Variants in MYBPC1 observed in about 807,000 individuals in gnomAD.
MYBPC1 encodes the protein myosin-binding protein C, slow-type.
Under a neutral mutation model 147.1 loss-of-function variants are expected in MYBPC1, and 52 were observed. The ratio of observed to expected loss-of-function variants is 0.35; its 90% CI spans 0.28 to 0.45. The LOEUF is 0.45. MYBPC1 is among the 20% of genes least tolerant of loss of function. The pLI is 1.00. For missense variants in MYBPC1, 1,228 were observed against 1,440.3 expected, an observed-to-expected ratio of 0.85 and a Z score of 2.39; for synonymous variants, 477 against 475.9, an observed-to-expected ratio of 1.00 and a Z score of -0.03.
Position 101,642,506 on chromosome 12 carries a change from C to T in MYBPC1, c.753C>T (p.Ala251=). The T allele has an allele frequency of 6.2e-7, 1 of 1,613,858 alleles. No individual in the cohort carries two copies. Among genetic ancestry groups the T allele is most frequent in the Non-Finnish European group, 8.5e-7 (1 of 1,179,884 alleles). ...AACCCAGTGAGTACGAGAAGATCGC[C>T]TTCCAGTATGGAATCACCGACCTGC... ...NAKPSEYEKI[A]FQYGITDLRG... Residue 251 remains alanine (A), a synonymous_variant, in exon 11 of 32, where the codon GCC becomes GCT. Transcript: ENST00000361466.
chr12:101,596,366 C>A (rs545391372), intron 1 of MYBPC1, among the ~76,000 whole-genome samples: 10 of 152,308 alleles, frequency 6.6e-5, no homozygotes, highest in African/African-American at 2.4e-4. Flanking sequence ...GGCAGGGAGT[C>A]CAACCCCTGC....
chr12:101,649,954 A>G (rs557456719), intron 15 of MYBPC1, among the ~76,000 whole-genome samples: 18 of 152,374 alleles, frequency 1.2e-4, no homozygotes, highest in Middle Eastern at 6.8e-3. Flanking sequence ...CATAAAAATT[A>G]AAACAGCAAA....
At chr12:101,635,771 ACT>A (rs1321539684) in intron 9 of MYBPC1, among the ~76,000 whole-genome samples, 1 of 152,188 alleles carries the variant, frequency 6.6e-6, no homozygotes, top group Non-Finnish European at 1.5e-5. Context: ...TGTTATACAC[ACT>A]GTTTTTAAAC....
intron 28 of MYBPC1, among the ~76,000 whole-genome samples, chr12:101,679,765 G>A (rs1950812537): frequency 6.6e-6 from 1 of 151,868 alleles, no homozygotes; most frequent in Non-Finnish European, 1.5e-5. Context: ...GGAAAAGGAA[G>A]TGAAGAAAAT....
chr12:101,688,637 G>C (rs1407935010), downstream of MYBPC1, among the ~76,000 whole-genome samples: 1 of 151,404 alleles, frequency 6.6e-6, no homozygotes, highest in Non-Finnish European at 1.5e-5. Context: ...GCATGGCACT[G>C]TAATGGATTT....
intron 3 of MYBPC1, among the ~76,000 whole-genome samples, chr12:101,621,599 G>A (rs930154035): frequency 3.9e-5 from 6 of 152,192 alleles, no homozygotes; most frequent in Non-Finnish European, 8.8e-5. Flanking sequence ...TATTGTATCA[G>A]TATTTCACTG....
At position 101,662,489 on chromosome 12, in the gene MYBPC1, G is replaced by A; in HGVS notation, c.2164G>A (p.Val722Ile). 6.2e-7 allele frequency: 1 copy of A among 1,614,240 alleles called. No individual in the cohort carries two copies. The highest frequency in any genetic ancestry group is 1.3e-5 in the African/African-American group (1 of 75,066). The change falls in exon 21 of 32, where the codon GTC (valine) becomes ATC (isoleucine). Residue 722 changes from valine to isoleucine, a missense_variant. Physicochemically the swap from Val to Ile is conservative, Grantham distance 29. Coordinates refer to ENST00000361466, the MANE Select transcript of MYBPC1 (RefSeq NM_002465.4). ...GVAYEVRIFA[V>I]NAIGISKPSM... ...GGCCTATGAGGTCCGCATCTTTGCA[G>A]TCAATGCCATTGGCATCTCCAAGCC...
Position 101,675,337 on chromosome 12 carries a change from G to C in MYBPC1, c.2855G>C (p.Gly952Ala). 2 of 1,614,116 alleles carry C rather than the reference G, an allele frequency of 1.2e-6. No homozygotes were observed. Among genetic ancestry groups the C allele is most frequent in the Non-Finnish European group, 1.7e-6 (2 of 1,179,992 alleles). ...ATTGTGAAGATTGAGGATGTCTGGG[G>C]AGAAAATGTCGCTCTCACATGGACT... Reference protein sequence around the residue: ...PQIVKIEDVWGENVALTWTPP... With the variant: ...PQIVKIEDVWAENVALTWTPP... Residue 952 changes from glycine to alanine, a missense_variant, in exon 26 of 32, where the codon GGA (glycine) becomes GCA (alanine). Physicochemically the swap from Gly to Ala is moderately conservative, Grantham distance 60. Around this residue, in one of 2 missense-constraint regions of MYBPC1, gnomAD observed 1,077 missense variants for 1,314.2 expected, o/e 0.82. Coordinates refer to ENST00000361466, the MANE Select transcript of MYBPC1 (RefSeq NM_002465.4).
At chr12:101,601,393 C>T (rs1010489123) in intron 1 of MYBPC1, among the ~76,000 whole-genome samples, 1 of 152,162 alleles carries the variant, frequency 6.6e-6, no homozygotes, top group Non-Finnish European at 1.5e-5. Context: ...TCAAGATGTT[C>T]CCATTCATGG....
At chr12:101,635,048 A>AGTGCCCATGTGC (rs1399616505) in intron 9 of MYBPC1, among the ~76,000 whole-genome samples, 1 of 152,198 alleles carries the variant, frequency 6.6e-6, no homozygotes, top group African/African-American at 2.4e-5. Context: ...GAAAACCACA[A>AGTGCCCATGTGC]CCAAGTAGCT....
downstream of MYBPC1, among the ~76,000 whole-genome samples, chr12:101,688,831 T>G (rs959601142): frequency 6.6e-6 from 1 of 151,592 alleles, no homozygotes; most frequent in Non-Finnish European, 1.5e-5. Flanking sequence ...CACGCACCTG[T>G]AGTCCCAGCT....
rs549404659 is a variant in MYBPC1, at chr12:101,628,190, G to GTCAT, written c.178+405_178+408dup. On this transcript the variant is annotated intron_variant, in intron 5 of 31. Coordinates refer to ENST00000361466, the MANE Select transcript of MYBPC1 (RefSeq NM_002465.4). ...TCAGCTGTAGCTCCTGTTCTGTGAA[G>GTCAT]TCATTCATTCATTCATTCATTCGAC... 33 of 291,232 alleles carry GTCAT rather than the reference G, an allele frequency of 1.1e-4. 1 individual carries two copies. Among genetic ancestry groups the GTCAT allele is most frequent in the South Asian group, 8.6e-4 (26 of 30,158 alleles). 18.0% of individuals were successfully genotyped at this position (291,232 alleles called of 1,614,324 possible).
rs780175011 is a variant in MYBPC1, at chr12:101,626,916, G to A, written c.142+6G>A. Reference sequence around the variant, plus strand: ...GCCTAGCGCCTTGCCTCCAGGTTGGGATAATTTCTACCCTTTTCCCTGCTT... The same window carrying A: ...GCCTAGCGCCTTGCCTCCAGGTTGGAATAATTTCTACCCTTTTCCCTGCTT... On this transcript the variant is annotated splice_donor_region_variant and intron_variant, in intron 4 of 31. Coordinates refer to ENST00000361466, the MANE Select transcript of MYBPC1 (RefSeq NM_002465.4). The A allele has an allele frequency of 6.2e-7, 1 of 1,607,994 alleles. No homozygotes were observed. The highest frequency in any genetic ancestry group is 8.5e-7 in the Non-Finnish European group (1 of 1,174,430).
intron 1 of MYBPC1, among the ~76,000 whole-genome samples, chr12:101,601,035 A>G (rs1207829356): frequency 1.3e-5 from 2 of 152,232 alleles, no homozygotes; most frequent in African/African-American, 2.4e-5. Context: ...ATAAATACAC[A>G]GAAAGGTAGT....
chr12:101,627,512 G>T (rs1458464731), intron 4 of MYBPC1, among the ~76,000 whole-genome samples: 1 of 151,880 alleles, frequency 6.6e-6, no homozygotes. Flanking sequence ...CAAAGTGCTG[G>T]GATTACAGGC....
chr12:101,638,059 G>A (rs1891346702), intron 10 of MYBPC1, among the ~76,000 whole-genome samples: 1 of 152,162 alleles, frequency 6.6e-6, no homozygotes, highest in South Asian at 2.1e-4. Context: ...TTAGAGGCAG[G>A]GCCAGGACCC....
intron 13 of MYBPC1, 82 bp from the exon 14 acceptor site, chr12:101,647,962 GT>G (rs1565952553): frequency 1.8e-5 from 21 of 1,143,786 alleles, no homozygotes; most frequent in Admixed American, 1.7e-5. Flanking sequence ...CTCACTGTTG[GT>G]TTTTCATCTG....
chr12:101,665,533 T>C (rs1290058608), intron 22 of MYBPC1, among the ~76,000 whole-genome samples: 1 of 152,184 alleles, frequency 6.6e-6, no homozygotes, highest in Non-Finnish European at 1.5e-5. Flanking sequence ...CTCTTCTTTG[T>C]TTTCTTTCTG....
chr12:101,631,453 C>T, intron 6 of MYBPC1, 118 bp from the exon 7 acceptor site: 1 of 1,176,556 alleles, frequency 8.5e-7, no homozygotes, highest in Non-Finnish European at 1.3e-6. Flanking sequence ...TTTCACAATT[C>T]CGAGGGCACC....
Sources: gnomAD v4.1 joint callset for allele counts (sites outside exome capture counted in the v4.1 genomes callset) on GRCh38, gnomAD v4.1.1 for gene constraint, gnomAD v4.1.1 regional missense constraint, MANE v1.5 for transcripts, NCBI Gene and HGNC (gene_info 2026-07-23, HGNC 2026-07-21) for gene names.